CNTN5: variants seen among roughly 807,000 people sequenced by gnomAD.
CNTN5 encodes contactin 5.
Under a neutral mutation model 129.1 loss-of-function variants are expected in CNTN5, and 77 were observed. That is an observed-to-expected ratio of 0.60 (90% CI 0.50 to 0.72). The LOEUF (loss-of-function observed/expected upper bound fraction) is 0.72, where lower values mean the gene tolerates loss of function less well. Among genes scored for constraint, CNTN5 ranks in the 30% least tolerant of loss-of-function variants. The pLI, the probability that CNTN5 is intolerant of heterozygous loss-of-function variation, is 0.00. For synonymous variants in CNTN5, 509 were observed against 465.6 expected, an observed-to-expected ratio of 1.09 and a Z score of -1.20; for missense variants, 1,478 against 1,328.8, an observed-to-expected ratio of 1.11 and a Z score of -1.75.
chr11:100,335,463 G>C (rs919837536), intron 21 of CNTN5, among the ~76,000 whole-genome samples: 1 of 152,100 alleles, frequency 6.6e-6, no homozygotes, highest in Non-Finnish European at 1.5e-5. Context: ...GGGAAAAATA[G>C]AGTGTCTACT....
At chr11:99,895,848 C>G (rs1284897209) in intron 6 of CNTN5, among the ~76,000 whole-genome samples, 1 of 152,260 alleles carries the variant, frequency 6.6e-6, no homozygotes, top group Admixed American at 6.5e-5. Context: ...GCAGCCACTG[C>G]CCCACTGAGA....
intron 9 of CNTN5, among the ~76,000 whole-genome samples, chr11:100,041,180 C>T (rs1243898297): frequency 6.6e-6 from 1 of 152,146 alleles, no homozygotes; most frequent in Non-Finnish European, 1.5e-5. Context: ...TTAGCATAGA[C>T]TACTGACTCT....
intron 13 of CNTN5, among the ~76,000 whole-genome samples, chr11:100,102,961 T>C (rs1199355081): frequency 6.6e-6 from 1 of 152,146 alleles, no homozygotes; most frequent in East Asian, 1.9e-4. Context: ...TGAGAATTCC[T>C]CCTACAACCT....
intron 3 of CNTN5, among the ~76,000 whole-genome samples, chr11:99,645,802 G>T (rs73555614): frequency 0.033 from 5,020 of 151,506 alleles, 289 homozygotes; most frequent in African/African-American, 0.11. Context: ...CTGTCGGGGT[G>T]GGGGGCTAGG....
At chr11:99,794,692 G>A (rs1202653420) in intron 3 of CNTN5, among the ~76,000 whole-genome samples, 1 of 152,064 alleles carries the variant, frequency 6.6e-6, no homozygotes, top group Non-Finnish European at 1.5e-5. Flanking sequence ...GCTTAGTTTG[G>A]CTGGATATGA....
At chr11:99,641,649 G>A (rs192764663) in intron 3 of CNTN5, among the ~76,000 whole-genome samples, 82 of 152,180 alleles carry the variant, frequency 5.4e-4, no homozygotes, top group Non-Finnish European at 1.1e-3. Flanking sequence ...GATTTCTGGA[G>A]TCAGTGCCAT....
chr11:99,202,284 G>C (rs1859248338), intron 1 of CNTN5, among the ~76,000 whole-genome samples: 1 of 152,106 alleles, frequency 6.6e-6, no homozygotes, highest in South Asian at 2.1e-4. Context: ...TGCCTAGCAT[G>C]CTCATGGCAT....
chr11:99,233,104 G>C (rs1471608930), intron 1 of CNTN5, among the ~76,000 whole-genome samples: 1 of 152,096 alleles, frequency 6.6e-6, no homozygotes, highest in Non-Finnish European at 1.5e-5. Flanking sequence ...GGCCTTCAAG[G>C]CTTCTTTCCC....
intron 2 of CNTN5, among the ~76,000 whole-genome samples, chr11:99,343,390 T>G (rs186650375): frequency 6.0e-4 from 91 of 152,330 alleles, no homozygotes; most frequent in Non-Finnish European, 1.1e-3. Flanking sequence ...TTTCTGACTC[T>G]GAATTACATA....
chr11:100,350,678 T>G, intron 23 of CNTN5, 24 bp from the exon 24 acceptor site: 4 of 1,581,218 alleles, frequency 2.5e-6, no homozygotes, highest in Non-Finnish European at 3.5e-6. Flanking sequence ...ATATCAAATG[T>G]CTAAACCTTG....
At chr11:100,180,021 G>A (rs1948088879) in intron 13 of CNTN5, among the ~76,000 whole-genome samples, 1 of 151,974 alleles carries the variant, frequency 6.6e-6, no homozygotes, top group South Asian at 2.1e-4. Flanking sequence ...CTCTTCCAGA[G>A]ATTTGAGGTG....
chr11:99,744,299 A>T (rs1320864082), intron 3 of CNTN5, among the ~76,000 whole-genome samples: 1 of 152,048 alleles, frequency 6.6e-6, no homozygotes, highest in African/African-American at 2.4e-5. Flanking sequence ...ATTTACAGAG[A>T]TTGTAAACCT....
intron 20 of CNTN5, among the ~76,000 whole-genome samples, chr11:100,303,988 G>T (rs576512069): frequency 7.9e-5 from 12 of 151,584 alleles, no homozygotes; most frequent in African/African-American, 2.9e-4. Flanking sequence ...TTTGATTAAT[G>T]CTGTTGCTCT....
At chr11:100,292,115 C>T (rs1326640580) in intron 18 of CNTN5, among the ~76,000 whole-genome samples, 1 of 152,046 alleles carries the variant, frequency 6.6e-6, no homozygotes, top group Non-Finnish European at 1.5e-5. Flanking sequence ...GACCCAACAG[C>T]TATGATCTGT....
intron 4 of CNTN5, among the ~76,000 whole-genome samples, chr11:99,824,410 A>G (rs1946890902): frequency 6.6e-6 from 1 of 151,980 alleles, no homozygotes; most frequent in Non-Finnish European, 1.5e-5. Context: ...TTTCTAATGC[A>G]TATTTCTTAT....
At chr11:99,435,434 T>C (rs1428111949) in intron 2 of CNTN5, among the ~76,000 whole-genome samples, 1 of 152,156 alleles carries the variant, frequency 6.6e-6, no homozygotes, top group Non-Finnish European at 1.5e-5. Flanking sequence ...CAACAGGGGT[T>C]CTACACACTA....
At chr11:99,116,891 A>G (rs1565330085) in intron 1 of CNTN5, among the ~76,000 whole-genome samples, 1 of 152,218 alleles carries the variant, frequency 6.6e-6, no homozygotes, top group South Asian at 2.1e-4. Context: ...TGCTGGATAC[A>G]TAAATATGGA....
At chr11:99,463,146 A>AAT (rs1565203229) in intron 2 of CNTN5, among the ~76,000 whole-genome samples, 3 of 150,012 alleles carry the variant, frequency 2.0e-5, no homozygotes, top group African/African-American at 2.4e-5. Flanking sequence ...TAAATAAATA[A>AAT]AAGTAAAAAA....
chr11:99,820,548 G>T (rs1212170140), intron 4 of CNTN5, among the ~76,000 whole-genome samples: 1 of 152,278 alleles, frequency 6.6e-6, no homozygotes, highest in Admixed American at 6.5e-5. Flanking sequence ...TGTCATTTTT[G>T]GATCCATCGA....
Sources: gnomAD v4.1 joint callset for allele counts (sites outside exome capture counted in the v4.1 genomes callset) on GRCh38, gnomAD v4.1.1 for gene constraint, MANE v1.5 for transcripts, NCBI Gene and HGNC (gene_info 2026-07-23, HGNC 2026-07-21) for gene names.